Variants in USP6NL observed in about 807,000 individuals in gnomAD.
The protein encoded by USP6NL is USP6 N-terminal like.
A neutral mutation model predicts 61.9 loss-of-function variants in USP6NL; 26 were observed. That is an observed-to-expected ratio of 0.42 (90% confidence interval 0.31 to 0.58). The LOEUF (loss-of-function observed/expected upper bound fraction) is 0.58, where lower values mean the gene tolerates loss of function less well. Ranked by LOEUF, USP6NL falls within the 20% of genes least tolerant of loss-of-function variation. The pLI is 0.16. For synonymous variants in USP6NL, 432 were observed against 390.1 expected (o/e 1.11, Z -1.27); for missense variants, 1,114 against 1,034.3 (o/e 1.08, Z -1.06).
chr10:11,541,109 T>G (rs1836031076), intron 2 of USP6NL, among the ~76,000 whole-genome samples: 1 of 151,602 alleles, frequency 6.6e-6, no homozygotes, highest in Admixed American at 6.6e-5. Context: ...GTATCTCATG[T>G]GTGCATGTGT....
At chr10:11,577,788 A>C (rs1837607093) in intron 2 of USP6NL, among the ~76,000 whole-genome samples, 1 of 152,128 alleles carries the variant, frequency 6.6e-6, no homozygotes, top group South Asian at 2.1e-4. Flanking sequence ...GGTGTGAGCC[A>C]CCAGGCCAAA....
chr10:11,571,520 C>T (rs891899283), intron 2 of USP6NL, among the ~76,000 whole-genome samples: 4 of 152,188 alleles, frequency 2.6e-5, no homozygotes, highest in Admixed American at 2.6e-4. Flanking sequence ...TTTGATACTT[C>T]TAGGATAATT....
At chr10:11,563,853 T>C (rs1306283429) in intron 2 of USP6NL, 2 of 152,214 alleles carry the variant, frequency 1.3e-5, no homozygotes, top group African/African-American at 4.8e-5. Flanking sequence ...CCCCTGAGCA[T>C]GCAGCCCTCA....
chr10:11,544,526 C>T (rs1214205790), intron 2 of USP6NL, among the ~76,000 whole-genome samples: 7 of 151,954 alleles, frequency 4.6e-5, no homozygotes, highest in East Asian at 1.9e-4. Context: ...TCGCTCTTGT[C>T]GCACAGGCTG....
At position 11,464,502 on chromosome 10, in the gene USP6NL, T is replaced by G. The variant is rs532460885; in HGVS notation, c.1079-653A>C. On this transcript the variant is annotated intron_variant, in intron 14 of 14. Coordinates refer to ENST00000609104, the MANE Select transcript of USP6NL (RefSeq NM_014688.5). ...ACTAACCTGCCCAAAGGCTCACCAC[T>G]AGCAAGTCACAGGTCCAGAATTCAA... is the stretch of plus-strand genomic sequence containing the variant. Among the ~76,000 whole-genome samples, 11 of 152,330 alleles carry G rather than the reference T, an allele frequency of 7.2e-5. No homozygotes were observed. In the South Asian group the frequency reaches 2.3e-3, roughly 32 times the overall value.
intron 2 of USP6NL, among the ~76,000 whole-genome samples, chr10:11,551,237 T>C (rs1352438417): frequency 6.6e-6 from 1 of 152,156 alleles, no homozygotes; most frequent in Non-Finnish European, 1.5e-5. Context: ...GGTGAAAAGG[T>C]AAGCAAATTT....
At chr10:11,503,473 G>C (rs1388827918) in intron 6 of USP6NL, among the ~76,000 whole-genome samples, 9 of 152,028 alleles carry the variant, frequency 5.9e-5, no homozygotes, top group Non-Finnish European at 2.9e-5. Flanking sequence ...AGGAAATCTG[G>C]GGGTGGAAAT....
Position 11,520,887 on chromosome 10 carries a change from T to G in USP6NL, c.156-2313A>C, listed in dbSNP as rs1835177737. On this transcript the variant is annotated intron_variant, in intron 4 of 14. Coordinates refer to ENST00000609104, the MANE Select transcript of USP6NL (RefSeq NM_014688.5). This position sits in a 1 kb window ranked among gnomAD's most constrained non-coding sequence, Gnocchi z 5.2. The stretch of plus-strand genomic sequence containing the variant: ...GAGAAAATGTTTGCCAAACCCTGCT[T>G]TAGAGAACAAGGGCTTAAGAGCACC... Among the ~76,000 whole-genome samples the G allele has an allele frequency of 6.6e-6, 1 of 152,186 alleles. No homozygotes were observed. Among genetic ancestry groups the G allele is most frequent in the Non-Finnish European group, 1.5e-5 (1 of 68,048 alleles).
Position 11,462,269 on chromosome 10 carries a change from T to C in USP6NL, c.*172A>G. The C allele has an allele frequency of 2.6e-6, 2 of 778,206 alleles. No individual in the cohort carries two copies. The highest frequency in any genetic ancestry group is 4.0e-5 in the South Asian group (2 of 50,182). The allele number at this position is 778,206 out of a possible 1,614,324, so 48.2% of individuals were successfully genotyped here. A position where few individuals can be genotyped will look rare whatever the true frequency, so the allele number is the denominator to read the frequency against. On this transcript the variant is annotated 3_prime_UTR_variant, in exon 15 of 15. Coordinates refer to ENST00000609104, the MANE Select transcript of USP6NL (RefSeq NM_014688.5). Reference sequence around the variant, plus strand: ...GATGATGCAATTGAAACGCTCATCTTAAGCAGCATCTACGTGGGGCTGAAG... The same window carrying C: ...GATGATGCAATTGAAACGCTCATCTCAAGCAGCATCTACGTGGGGCTGAAG...
In USP6NL at chr10:11,555,465, GAGAGAA is replaced by G. The variant is rs754895417; in HGVS notation, c.5-27904_5-27899del. On this transcript the variant is annotated intron_variant, in intron 2 of 14. Coordinates refer to ENST00000609104, the MANE Select transcript of USP6NL (RefSeq NM_014688.5). ...ATATATATATATAGAGAGAGAGAGA[GAGAGAA>G]AGAGAGAGAGAGAGAGAGAGAGAAG... is the stretch of plus-strand genomic sequence containing the variant. Among the ~76,000 whole-genome samples the G allele has an allele frequency of 4.3e-3, 384 of 90,320 alleles. 2 individuals carry two copies. The highest frequency in any genetic ancestry group is 0.01 in the South Asian group (23 of 2,290). 59.3% of individuals were successfully genotyped at this position (90,320 alleles called of 152,430 possible).
rs181157663 is a variant in USP6NL at position 11,607,129 on chromosome 10, T to C, written c.-84+4314A>G. 3.8e-3 allele frequency among the ~76,000 whole-genome samples: 584 copies of C among 152,318 alleles called. 4 individuals are homozygous for C. The highest frequency in any genetic ancestry group is 5.6e-3 in the Non-Finnish European group (382 of 68,022). ...GCACTACTGCAATCAAGAGTTATTA[T>C]AGGCCAATTCATTATTTTTTAATAT... On this transcript the variant is annotated intron_variant, in intron 1 of 14. Coordinates refer to ENST00000609104, the MANE Select transcript of USP6NL (RefSeq NM_014688.5).
intron 2 of USP6NL, among the ~76,000 whole-genome samples, chr10:11,580,076 G>C (rs899056459): frequency 6.7e-6 from 1 of 148,850 alleles, no homozygotes; most frequent in Admixed American, 6.8e-5. Flanking sequence ...TACAATTTAC[G>C]TAACAGCCTC....
intron 5 of USP6NL, among the ~76,000 whole-genome samples, chr10:11,517,835 T>C (rs1717098988): frequency 6.6e-6 from 1 of 152,206 alleles, no homozygotes; most frequent in Non-Finnish European, 1.5e-5. Flanking sequence ...CATGAACTGA[T>C]AATAATCCCA....
chr10:11,587,046 T>A lies in USP6NL; in HGVS notation c.4+10585A>T, dbSNP rs1837994516. ...AGGACTCCCTGGATGTCCCTTTTGG[T>A]ACTAAGACCGTACTACTGGCTCAAT... On this transcript the variant is annotated intron_variant, in intron 2 of 14. Transcript: ENST00000609104. The surrounding 1 kb of genome is among the most constrained non-coding windows in gnomAD (Gnocchi z 4.5). Among the ~76,000 whole-genome samples the A allele has an allele frequency of 6.6e-6, 1 of 152,148 alleles. No homozygotes were observed. The highest frequency in any genetic ancestry group is 6.5e-5 in the Admixed American group (1 of 15,290).
intron 3 of USP6NL, among the ~76,000 whole-genome samples, chr10:11,526,815 A>G (rs1415347749): frequency 2.6e-5 from 4 of 152,242 alleles, no homozygotes; most frequent in Admixed American, 2.6e-4. Context: ...TCAATTGTCA[A>G]TAATTGTGAT....
chr10:11,583,382 G>A (rs999936774), intron 2 of USP6NL, among the ~76,000 whole-genome samples: 1 of 151,660 alleles, frequency 6.6e-6, no homozygotes, highest in Admixed American at 6.6e-5. Flanking sequence ...TAGTAGGGAC[G>A]GGGTTTCACC....
chr10:11,492,284 G>A (rs773844251), intron 8 of USP6NL, among the ~76,000 whole-genome samples: 2 of 152,250 alleles, frequency 1.3e-5, no homozygotes, highest in Admixed American at 6.5e-5. Flanking sequence ...TTGGCTTTGG[G>A]TGTCAACTTG....
chr10:11,475,597 A>G (rs2133198048), intron 14 of USP6NL, among the ~76,000 whole-genome samples: 2 of 99,650 alleles, frequency 2.0e-5, no homozygotes, highest in African/African-American at 3.6e-5. Flanking sequence ...ACTCTGTCGC[A>G]AAAAAAAAAA....
rs537919096 is a variant in USP6NL, at chr10:11,488,976, A to C, written c.664+126T>G. On this transcript the variant is annotated intron_variant, in intron 10 of 14. Transcript: ENST00000609104. ...AAAGAAGAAACTAGTAACAAATACT[A>C]ATGAACTCAACGAGCCCTGAGACAT... 3.6e-5 allele frequency: 45 copies of C among 1,255,764 alleles called. No individual in the cohort carries two copies. In the African/African-American group the frequency reaches 6.6e-4, roughly 18 times the overall value. 77.8% of individuals were successfully genotyped at this position (1,255,764 alleles called of 1,614,324 possible). A position where few individuals can be genotyped will look rare whatever the true frequency, so the allele number is the denominator to read the frequency against.
Sources: allele counts gnomAD v4.1 joint callset (sites outside exome capture counted in the v4.1 genomes callset), GRCh38; gene constraint gnomAD v4.1.1; non-coding constraint Gnocchi (gnomAD v3.1); transcripts MANE v1.5; gene names NCBI Gene and HGNC (gene_info 2026-07-23, HGNC 2026-07-21).